Variants in CYP4F2 observed in about 807,000 individuals in gnomAD.
CYP4F2 encodes the protein cytochrome P450 4F2.
CYP4F2 carries 58 observed loss-of-function variants against 58.9 expected under a neutral mutation model. The observed-to-expected ratio is 0.98, with a 90% CI of 0.80 to 1.23. The LOEUF is 1.23. Ranked by LOEUF, CYP4F2 falls within the 50% of genes most tolerant of loss-of-function variation. The probability of loss-of-function intolerance (pLI) is 0.00; values close to 1 mark genes in which losing one functional copy is unlikely to be tolerated. For missense variants in CYP4F2, 616 were observed against 685.6 expected (o/e 0.90, Z 1.13); for synonymous variants, 287 against 261.1 (o/e 1.10, Z -0.95).
chr19:15,888,455 C>T (rs1217362305), intron 7 of CYP4F2, among the ~76,000 whole-genome samples: 1 of 150,914 alleles, frequency 6.6e-6, no homozygotes, highest in Non-Finnish European at 1.5e-5. Flanking sequence ...GACGCACACA[C>T]ATAGATGAAG....
chr19:15,897,392 C>T, intron 2 of CYP4F2, 22 bp downstream of exon 2: 2 of 1,555,426 alleles, frequency 1.3e-6, no homozygotes, highest in South Asian at 1.1e-5. Context: ...GAGACCTAGA[C>T]CCATCCTGCT....
intron 3 of CYP4F2, chr19:15,893,978 C>T (rs1446924668): frequency 9.0e-6 from 2 of 222,436 alleles, no homozygotes; most frequent in Admixed American, 4.1e-5. Context: ...CTGAGAATTT[C>T]AAGCAGCATC....
At chr19:15,891,106 T>C (rs565503487) in intron 5 of CYP4F2, among the ~76,000 whole-genome samples, 11 of 152,328 alleles carry the variant, frequency 7.2e-5, no homozygotes, top group African/African-American at 1.9e-4. Context: ...TGCAAGACAC[T>C]GATGTCCTTA....
intron 1 of CYP4F2, 103 bp from the exon 2 acceptor site, chr19:15,897,715 G>C (rs1340599421): frequency 7.2e-7 from 1 of 1,398,284 alleles, no homozygotes; most frequent in African/African-American, 1.4e-5. Context: ...GCCGGAGGTA[G>C]AGCAGGGAGG....
chr19:15,897,736 G>T, intron 1 of CYP4F2, 124 bp from the exon 2 acceptor site: 1 of 1,181,550 alleles, frequency 8.5e-7, no homozygotes, highest in South Asian at 1.4e-5. Context: ...GCTCAGGGAT[G>T]GGTAAAAAGG....
intron 7 of CYP4F2, among the ~76,000 whole-genome samples, chr19:15,888,575 CACATAA>C (rs2089397052): frequency 6.6e-6 from 1 of 152,000 alleles, no homozygotes. Context: ...CACACAAGTA[CACATAA>C]ACATAGACAT....
chr19:15,887,609 C>T (rs1194299858), intron 7 of CYP4F2, among the ~76,000 whole-genome samples: 1 of 151,356 alleles, frequency 6.6e-6, no homozygotes, highest in Non-Finnish European at 1.5e-5. Flanking sequence ...TAGACACAGA[C>T]ACACACACAC....
At chr19:15,889,402 T>G (rs1435883205) in intron 7 of CYP4F2, 21 bp downstream of exon 7, 4 of 1,613,310 alleles carry the variant, frequency 2.5e-6, no homozygotes, top group Non-Finnish European at 3.4e-6. Flanking sequence ...CTTCTTGAAT[T>G]CAGATCCCAG....
chr19:15,884,599 C>T (rs3093176), intron 9 of CYP4F2, among the ~76,000 whole-genome samples: 2 of 152,164 alleles, frequency 1.3e-5, no homozygotes, highest in Admixed American at 6.5e-5. Context: ...TATTTCAAAT[C>T]TATGTGCATC....
intron 9 of CYP4F2, among the ~76,000 whole-genome samples, chr19:15,881,105 G>A (rs774964060): frequency 4.6e-5 from 7 of 152,146 alleles, no homozygotes; most frequent in Admixed American, 1.3e-4. Context: ...ACAGCCACAC[G>A]ATGGAATACT....
intron 9 of CYP4F2, among the ~76,000 whole-genome samples, chr19:15,881,569 A>G (rs1157614226): frequency 3.8e-5 from 1 of 26,340 alleles, no homozygotes; most frequent in African/African-American, 8.0e-5. Context: ...GATGATGGAT[A>G]GATAGATAGA....
Position 15,897,556 on chromosome 19 carries a change from C to G in CYP4F2, c.56G>C (p.Trp19Ser). Residue 19 changes from tryptophan (W) to serine (S), a missense_variant, in exon 2 of 13, where the codon TGG becomes TCG. Physicochemically the swap from Trp to Ser is radical, Grantham distance 177 (BLOSUM62 -3). Coordinates refer to ENST00000221700, the MANE Select transcript of CYP4F2 (RefSeq NM_001082.5). The part of the protein sequence containing the change: ...LGLWPVAASP[W>S]LLLLLVGASW... ...GGCCCCGACCAGCAGGAGGAGCAGC[C>G]AAGGGGATGCTGCCACTGGCCAGAG... The G allele has an allele frequency of 2.5e-6, 4 of 1,613,922 alleles. No homozygotes were observed. In the South Asian group the frequency reaches 3.3e-5, roughly 13 times the overall value.
intron 9 of CYP4F2, among the ~76,000 whole-genome samples, chr19:15,882,012 AG>A (rs2145001708): frequency 6.6e-6 from 1 of 152,228 alleles, no homozygotes; most frequent in African/African-American, 2.4e-5. Context: ...TGGGAGGCCA[AG>A]GGCGGCAGAT....
At chr19:15,885,217 A>G (rs1238945632) in intron 9 of CYP4F2, among the ~76,000 whole-genome samples, 2 of 150,942 alleles carry the variant, frequency 1.3e-5, no homozygotes, top group East Asian at 2.0e-4. Flanking sequence ...CCAATTATCT[A>G]CTGATCATTA....
In CYP4F2 at chr19:15,889,570, G is replaced by A. The variant is rs779525920; in HGVS notation, c.771C>T (p.Arg257=). 1.2e-6 allele frequency: 2 copies of A among 1,614,212 alleles called. No individual in the cohort carries two copies. Among genetic ancestry groups the A allele is most frequent in the Non-Finnish European group, 1.7e-6 (2 of 1,180,042 alleles). The change falls in exon 7 of 13, where the codon CGC becomes CGT. Residue 257 remains arginine, a synonymous_variant. Coordinates refer to ENST00000221700, the MANE Select transcript of CYP4F2 (RefSeq NM_001082.5). ...AGTCGTGCACCAGGCGGCAGGCCCT[G>A]CGGAAACGCTGCCCATCAGGGGTGA... ...YYLTPDGQRF[R]RACRLVHDFT...
intron 2 of CYP4F2, among the ~76,000 whole-genome samples, chr19:15,896,488 A>G (rs1186691956): frequency 6.6e-6 from 1 of 152,058 alleles, no homozygotes; most frequent in Non-Finnish European, 1.5e-5. Flanking sequence ...CTCACAGGGG[A>G]GATTTGTGGG....
chr19:15,894,872 G>C (rs370577884), intron 3 of CYP4F2, among the ~76,000 whole-genome samples: 6 of 152,156 alleles, frequency 3.9e-5, no homozygotes, highest in African/African-American at 1.4e-4. Context: ...AACGAACTTA[G>C]GGCAGACAAG....
intron 1 of CYP4F2, 122 bp from the exon 2 acceptor site, chr19:15,897,734 A>G: frequency 8.0e-7 from 1 of 1,252,764 alleles, no homozygotes; most frequent in Non-Finnish European, 1.1e-6. Context: ...GGGCTCAGGG[A>G]TGGGTAAAAA....
At chr19:15,893,888 A>G in intron 3 of CYP4F2, 1 of 264,734 alleles carries the variant, frequency 3.8e-6, no homozygotes, top group Non-Finnish European at 7.7e-6. Flanking sequence ...GAATCTGGAG[A>G]AAAACACACA....
Sources: gnomAD v4.1 joint callset for allele counts (sites outside exome capture counted in the v4.1 genomes callset) on GRCh38, gnomAD v4.1.1 for gene constraint, MANE v1.5 for transcripts, NCBI Gene and HGNC (gene_info 2026-07-23, HGNC 2026-07-21) for gene names.